Variants in GAB1 observed in about 807,000 individuals in gnomAD.
GAB1 encodes GRB2-associated-binding protein 1.
In GAB1, 19 loss-of-function variants were observed where a neutral mutation model predicts 66.5. The ratio of observed to expected loss-of-function variants is 0.29; its 90% CI spans 0.20 to 0.42. The LOEUF is 0.42. Ranked by LOEUF, GAB1 falls within the 10% of genes least tolerant of loss-of-function variation. The pLI is 1.00. For missense variants in GAB1, 732 were observed against 858.5 expected (o/e 0.85, Z 1.84); for synonymous variants, 294 against 301.4 (o/e 0.98, Z 0.25).
intron 1 of GAB1, among the ~76,000 whole-genome samples, chr4:143,347,486 T>C (rs1348499870): frequency 2.6e-5 from 4 of 152,194 alleles, no homozygotes; most frequent in Non-Finnish European, 5.9e-5. Context: ...GGGAGGTGAA[T>C]TGATTAGTCC....
chr4:143,363,802 G>A (rs949799733), intron 1 of GAB1, among the ~76,000 whole-genome samples: 6 of 152,012 alleles, frequency 3.9e-5, no homozygotes, highest in Non-Finnish European at 1.5e-5. Context: ...GTGGTCCTTG[G>A]GGCCACACCC....
At chr4:143,394,000 G>A (rs1731313033) in intron 1 of GAB1, among the ~76,000 whole-genome samples, 2 of 152,126 alleles carry the variant, frequency 1.3e-5, no homozygotes, top group African/African-American at 2.4e-5. Flanking sequence ...GCAGCTGGGC[G>A]CTGTGGCTCA....
chr4:143,385,594 G>T (rs1730860607), intron 1 of GAB1, among the ~76,000 whole-genome samples: 1 of 152,180 alleles, frequency 6.6e-6, no homozygotes, highest in Admixed American at 6.5e-5. Flanking sequence ...CACAGTCAAA[G>T]ATGGCTCACC....
intron 1 of GAB1, among the ~76,000 whole-genome samples, chr4:143,346,233 C>T (rs759928930): frequency 6.6e-6 from 1 of 152,224 alleles, no homozygotes; most frequent in African/African-American, 2.4e-5. Flanking sequence ...ATTTGTGTCA[C>T]TCTTACTTAG....
chr4:143,354,488 C>T (rs1023757885), intron 1 of GAB1, among the ~76,000 whole-genome samples: 7 of 151,884 alleles, frequency 4.6e-5, no homozygotes, highest in African/African-American at 1.5e-4. Flanking sequence ...TTTTAACTTA[C>T]AGTTTTCCAT....
At chr4:143,457,614 T>TAAA in intron 6 of GAB1, 6 of 560,336 alleles carry the variant, frequency 1.1e-5, no homozygotes, top group African/African-American at 2.0e-5. Context: ...TTTTTTTTTT[T>TAAA]TACAGAATCC....
chr4:143,412,877 A>G (rs371322084), intron 1 of GAB1, among the ~76,000 whole-genome samples: 21 of 152,348 alleles, frequency 1.4e-4, no homozygotes, highest in East Asian at 1.2e-3. Context: ...ACTGTATTTA[A>G]AAGATGAACT....
At chr4:143,455,238 C>T (rs888599476) in intron 6 of GAB1, among the ~76,000 whole-genome samples, 14 of 152,066 alleles carry the variant, frequency 9.2e-5, no homozygotes, top group Non-Finnish European at 1.8e-4. Context: ...ATCCAGGATA[C>T]GGTGTCATTA....
chr4:143,356,924 T>A (rs533623110), intron 1 of GAB1, among the ~76,000 whole-genome samples: 2 of 152,228 alleles, frequency 1.3e-5, no homozygotes, highest in East Asian at 3.9e-4. Flanking sequence ...AGAACAACCT[T>A]TTTTGTGTGT....
chr4:143,449,489 A>G (rs1461575717), intron 6 of GAB1, among the ~76,000 whole-genome samples: 3 of 151,990 alleles, frequency 2.0e-5, no homozygotes, highest in Non-Finnish European at 4.4e-5. Context: ...TTGGGTGCAT[A>G]TATATTTAGG....
At chr4:143,338,647 C>G (rs1200399111) in intron 1 of GAB1, among the ~76,000 whole-genome samples, 1 of 151,722 alleles carries the variant, frequency 6.6e-6, no homozygotes, top group Non-Finnish European at 1.5e-5. Flanking sequence ...AAAATGCTAA[C>G]TTTATTCCAA....
At chr4:143,351,684 A>G (rs1729233858) in intron 1 of GAB1, among the ~76,000 whole-genome samples, 1 of 152,206 alleles carries the variant, frequency 6.6e-6, no homozygotes, top group South Asian at 2.1e-4. Context: ...TAAAGGGACC[A>G]GGCTCTTCCC....
chr4:143,348,391 T>C (rs1380242810), intron 1 of GAB1, among the ~76,000 whole-genome samples: 2 of 152,348 alleles, frequency 1.3e-5, no homozygotes, highest in East Asian at 3.9e-4. Flanking sequence ...CCCTTAAACC[T>C]GGTCCTCTTG....
chr4:143,414,965 C>T (rs1481164510), intron 1 of GAB1, among the ~76,000 whole-genome samples: 1 of 152,128 alleles, frequency 6.6e-6, no homozygotes, highest in Non-Finnish European at 1.5e-5. Flanking sequence ...ACTGTAATAA[C>T]TCTCCATTTC....
intron 1 of GAB1, among the ~76,000 whole-genome samples, chr4:143,401,124 G>A (rs1462700458): frequency 6.6e-6 from 1 of 152,076 alleles, no homozygotes; most frequent in African/African-American, 2.4e-5. Flanking sequence ...GTTTGGAACA[G>A]TTATCTTTGT....
intron 1 of GAB1, among the ~76,000 whole-genome samples, chr4:143,343,264 G>A (rs115788868): frequency 4.6e-5 from 7 of 152,280 alleles, no homozygotes; most frequent in Admixed American, 1.3e-4. Flanking sequence ...TCAATAAGCT[G>A]CAACATAAAT....
At chr4:143,359,130 T>A (rs1729561650) in intron 1 of GAB1, among the ~76,000 whole-genome samples, 1 of 152,182 alleles carries the variant, frequency 6.6e-6, no homozygotes, top group Non-Finnish European at 1.5e-5. Context: ...TAAGGAGTGA[T>A]GTCGTAAAGA....
At chr4:143,390,868 C>T (rs534305863) in intron 1 of GAB1, among the ~76,000 whole-genome samples, 7 of 152,194 alleles carry the variant, frequency 4.6e-5, no homozygotes, top group African/African-American at 1.4e-4. Context: ...AAAGATAGGT[C>T]GCAGGTATGT....
intron 6 of GAB1, among the ~76,000 whole-genome samples, chr4:143,450,865 T>C (rs938601308): frequency 1.3e-5 from 2 of 150,420 alleles, no homozygotes; most frequent in Non-Finnish European, 2.9e-5. Flanking sequence ...CACTCCAGCC[T>C]GGGCAACAGA....
Sources: allele counts gnomAD v4.1 joint callset (sites outside exome capture counted in the v4.1 genomes callset), GRCh38; gene constraint gnomAD v4.1.1; transcripts MANE v1.5; gene names NCBI Gene and HGNC (gene_info 2026-07-23, HGNC 2026-07-21).